Variants in BSND observed in about 807,000 individuals in gnomAD.
The protein encoded by BSND is barttin.
Under a neutral mutation model 18.8 loss-of-function variants are expected in BSND, and 13 were observed. The observed-to-expected ratio is 0.69, with a 90% CI of 0.45 to 1.10. BSND has a LOEUF of 1.10. BSND is among the 50% of genes least tolerant of loss of function. The probability of loss-of-function intolerance (pLI) is 0.00; values close to 1 mark genes in which losing one functional copy is unlikely to be tolerated. For missense variants in BSND, 379 were observed against 416.7 expected, an observed-to-expected ratio of 0.91 and a Z score of 0.79; for synonymous variants, 170 against 161.8, an observed-to-expected ratio of 1.05 and a Z score of -0.39.
chr1:55,000,345 G>A (rs1644354936), intron 1 of BSND, among the ~76,000 whole-genome samples: 1 of 151,646 alleles, frequency 6.6e-6, no homozygotes, highest in Non-Finnish European at 1.5e-5. Context: ...GAAAAGGAGG[G>A]AAATAGGGAC....
At chr1:55,008,042 A>G (rs1644400461) in intron 3 of BSND, among the ~76,000 whole-genome samples, 172 bp from the exon 4 acceptor site, 1 of 152,246 alleles carries the variant, frequency 6.6e-6, no homozygotes, top group Non-Finnish European at 1.5e-5. Context: ...TGCACATATT[A>G]TCTGCTGTAA....
chr1:55,001,201 C>CGTGTGTGTGTGT (rs36051858), intron 1 of BSND, among the ~76,000 whole-genome samples: 4 of 136,910 alleles, frequency 2.9e-5, no homozygotes, highest in African/African-American at 8.2e-5. Flanking sequence ...ACAGTGGGAT[C>CGTGTGTGTGTGT]GTGTGTGTGT....
At chr1:55,001,863 A>G (rs1644363148) in intron 1 of BSND, among the ~76,000 whole-genome samples, 1 of 152,204 alleles carries the variant, frequency 6.6e-6, no homozygotes, top group African/African-American at 2.4e-5. Context: ...TGGTAAAAGA[A>G]TAAGGCAAGT....
rs1459330391 is a variant in BSND, at chr1:55,008,251, T to C, written c.586T>C (p.Ser196Pro). 6.2e-7 allele frequency: 1 copy of C among 1,614,200 alleles called. No individual in the cohort carries two copies. The highest frequency in any genetic ancestry group is 8.5e-7 in the Non-Finnish European group (1 of 1,180,030). Residue 196 changes from serine to proline, a missense_variant, in exon 4 of 4, where the codon TCC (serine) becomes CCC (proline). Coordinates refer to ENST00000651561, the MANE Select transcript of BSND (RefSeq NM_057176.3). The part of the protein sequence containing the change: ...ACPQGPAPLA[S>P]FQDDLDMDSS... Reference sequence around the variant, plus strand: ...TCCCCAGGGCCCTGCCCCCTTGGCTTCCTTCCAAGATGACCTGGACATGGA... The same window carrying C: ...TCCCCAGGGCCCTGCCCCCTTGGCTCCCTTCCAAGATGACCTGGACATGGA...
At chr1:55,005,621 A>G (rs939610269) in intron 2 of BSND, among the ~76,000 whole-genome samples, 2 of 152,222 alleles carry the variant, frequency 1.3e-5, no homozygotes, top group Middle Eastern at 3.2e-3. Flanking sequence ...AAGTGAGATA[A>G]TATAGGCAGA....
At chr1:55,003,506 C>T (rs1376922021) in intron 1 of BSND, among the ~76,000 whole-genome samples, 1 of 152,176 alleles carries the variant, frequency 6.6e-6, no homozygotes, top group Non-Finnish European at 1.5e-5. Context: ...AGTACAAAGG[C>T]CCCCTCCATC....
chr1:55,001,363 G>A (rs1644360852), intron 1 of BSND, among the ~76,000 whole-genome samples: 1 of 152,112 alleles, frequency 6.6e-6, no homozygotes, highest in Non-Finnish European at 1.5e-5. Flanking sequence ...GTGTGTGTGA[G>A]TGTGTGTTTC....
At position 55,015,165 on chromosome 1, in the gene BSND, G is replaced by A. The variant is rs571938940; in HGVS notation, c.*6537G>A. On this transcript the variant is annotated 3_prime_UTR_variant, in exon 4 of 4. Coordinates refer to ENST00000651561, the MANE Select transcript of BSND (RefSeq NM_057176.3). ...CAGATACAAAAGGGAAAGGTGGCAC[G>A]TATTGGTGGCAAGAAGGCTGGTTTG... Among the ~76,000 whole-genome samples, 65 of 152,346 alleles carry A rather than the reference G, an allele frequency of 4.3e-4. No individual in the cohort carries two copies. The highest frequency in any genetic ancestry group is 3.7e-3 in the South Asian group (18 of 4,828).
intron 1 of BSND, among the ~76,000 whole-genome samples, chr1:55,000,715 C>T (rs1265961551): frequency 2.0e-5 from 3 of 152,258 alleles, no homozygotes; most frequent in Admixed American, 1.3e-4. Context: ...AGTCATTTAG[C>T]AGGCAGTTTA....
intron 1 of BSND, among the ~76,000 whole-genome samples, chr1:55,002,261 G>T (rs1244833430): frequency 6.6e-6 from 1 of 152,232 alleles, no homozygotes; most frequent in African/African-American, 2.4e-5. Flanking sequence ...GTCAGATTTG[G>T]TGGTCAGCTG....
Position 55,008,594 on chromosome 1 carries a change from A to G in BSND, c.929A>G (p.Lys310Arg). 1 of 1,614,150 alleles carries G rather than the reference A, an allele frequency of 6.2e-7. No homozygotes were observed. Among genetic ancestry groups the G allele is most frequent in the South Asian group, 1.1e-5 (1 of 91,082 alleles). ...GGAGCCGGGGACCTCCTCCCGGACAAGGAGCTGGGTTTTGAGCCTGACACC... is the reference window on the plus strand; with the variant it reads ...GGAGCCGGGGACCTCCTCCCGGACAGGGAGCTGGGTTTTGAGCCTGACACC... ...PDGAGDLLPD[K>R]ELGFEPDTQG The change falls in exon 4 of 4, where the codon AAG becomes AGG. Residue 310 changes from lysine (K) to arginine (R), a missense_variant. Transcript: ENST00000651561.
At chr1:55,007,341 A>G (rs1308616847) in intron 3 of BSND, 69 bp downstream of exon 3, 2 of 393,570 alleles carry the variant, frequency 5.1e-6, no homozygotes, top group East Asian at 8.0e-5. Context: ...GGAGTGGGGG[A>G]CCGCCGAGGG....
intron 2 of BSND, among the ~76,000 whole-genome samples, chr1:55,006,250 G>A (rs1337118784): frequency 2.0e-5 from 3 of 152,196 alleles, no homozygotes; most frequent in Non-Finnish European, 2.9e-5. Flanking sequence ...CGGTTACTTG[G>A]GGTGGGCTCC....
chr1:55,016,635 C>T lies in BSND; in HGVS notation c.*8007C>T, dbSNP rs1367020711. ...TTGTTGTTTTGAGACAAGGTCTTGC[C>T]GTATTGCTTAGGCTGGTCTCAAACT... is the stretch of plus-strand genomic sequence containing the variant. On this transcript the variant is annotated 3_prime_UTR_variant, in exon 4 of 4. Coordinates refer to ENST00000651561, the MANE Select transcript of BSND (RefSeq NM_057176.3). Among the ~76,000 whole-genome samples the T allele has an allele frequency of 1.3e-5, 2 of 152,032 alleles. No individual in the cohort carries two copies. The highest frequency in any genetic ancestry group is 2.1e-4 in the South Asian group (1 of 4,820).
In BSND at chr1:55,013,652, G is replaced by A. The variant is rs1644434500; in HGVS notation, c.*5024G>A. Among the ~76,000 whole-genome samples, 1 of 152,138 alleles carries A rather than the reference G, an allele frequency of 6.6e-6. No homozygotes were observed. Among genetic ancestry groups the A allele is most frequent in the South Asian group, 2.1e-4 (1 of 4,826 alleles). ...GAGAAAAATCAGTATCAATAAGTCA[G>A]GCAGCAAGGTTCCACTGAGCATCTC... On this transcript the variant is annotated 3_prime_UTR_variant, in exon 4 of 4. Coordinates refer to ENST00000651561, the MANE Select transcript of BSND (RefSeq NM_057176.3).
intron 1 of BSND, among the ~76,000 whole-genome samples, chr1:55,000,660 G>T (rs957793971): frequency 2.6e-5 from 4 of 152,230 alleles, no homozygotes; most frequent in African/African-American, 9.6e-5. Context: ...GGCCAACCCT[G>T]GGCTGTCATT....
At chr1:55,003,648 C>T (rs1195166837) in intron 1 of BSND, among the ~76,000 whole-genome samples, 2 of 152,078 alleles carry the variant, frequency 1.3e-5, no homozygotes, top group Non-Finnish European at 2.9e-5. Flanking sequence ...GGGGTCTCAA[C>T]AAATATTTAT....
intron 1 of BSND, among the ~76,000 whole-genome samples, chr1:55,001,143 G>A (rs1473405985): frequency 6.6e-6 from 1 of 152,110 alleles, no homozygotes; most frequent in Non-Finnish European, 1.5e-5. Context: ...TTGGCAGAAA[G>A]AGTCCCTCCC....
chr1:55,005,281 CATT>C (rs1418708903), intron 2 of BSND, among the ~76,000 whole-genome samples, 165 bp downstream of exon 2: 3 of 152,212 alleles, frequency 2.0e-5, no homozygotes, highest in African/African-American at 7.2e-5. Context: ...GTGAGTTAGG[CATT>C]ATTATTCCCA....
Sources: gnomAD v4.1 joint callset for allele counts (sites outside exome capture counted in the v4.1 genomes callset) on GRCh38, gnomAD v4.1.1 for gene constraint, MANE v1.5 for transcripts, NCBI Gene and HGNC (gene_info 2026-07-23, HGNC 2026-07-21) for gene names.